The following ATF7IP variants were observed in gnomAD, a reference collection of about 807,000 sequenced individuals.
ATF7IP encodes activating transcription factor 7-interacting protein 1.
A neutral mutation model predicts 106.4 loss-of-function variants in ATF7IP; 23 were observed. The ratio of observed to expected loss-of-function variants is 0.22; its 90% CI spans 0.16 to 0.31. The LOEUF is 0.31. Among genes scored for constraint, ATF7IP ranks in the 10% least tolerant of loss-of-function variants. The pLI, the probability that ATF7IP is intolerant of heterozygous loss-of-function variation, is 1.00. For synonymous variants in ATF7IP, 542 were observed against 539.0 expected (o/e 1.01, Z -0.08); for missense variants, 1,334 against 1,524.3 (o/e 0.88, Z 2.08).
intron 6 of ATF7IP, among the ~76,000 whole-genome samples, chr12:14,450,039 C>A (rs546951822): frequency 1.3e-5 from 2 of 152,158 alleles, no homozygotes; most frequent in East Asian, 3.9e-4. Flanking sequence ...TTGTATCCTG[C>A]AACATTGCTG....
chr12:14,478,685 A>T (rs1431804755), intron 12 of ATF7IP, among the ~76,000 whole-genome samples: 1 of 152,202 alleles, frequency 6.6e-6, no homozygotes, highest in Non-Finnish European at 1.5e-5. Context: ...AAAAGTATAT[A>T]TTTATTTACT....
intron 13 of ATF7IP, among the ~76,000 whole-genome samples, chr12:14,495,423 T>C (rs1172335657): frequency 6.6e-6 from 1 of 152,234 alleles, no homozygotes; most frequent in African/African-American, 2.4e-5. Flanking sequence ...ATAGCTTGGC[T>C]TCAACTCTCT....
At chr12:14,454,150 A>G (rs1399815346) in intron 6 of ATF7IP, among the ~76,000 whole-genome samples, 1 of 152,120 alleles carries the variant, frequency 6.6e-6, no homozygotes, top group Non-Finnish European at 1.5e-5. Context: ...GCCTTGTTAG[A>G]GAGTCTGTGG....
rs1257875938 is a variant in ATF7IP, at chr12:14,499,150, C to T, written c.*1077C>T. The stretch of plus-strand genomic sequence containing the variant: ...TGTGAGCCACTGTATCCAGCCTACT[C>T]AAGTGATTTTTAAACCAAGGTGTGT... On this transcript the variant is annotated 3_prime_UTR_variant, in exon 15 of 15. Transcript: ENST00000261168. 6.6e-6 allele frequency: 1 copy of T among 152,122 alleles called. No individual in the cohort carries two copies. The highest frequency in any genetic ancestry group is 2.4e-5 in the African/African-American group (1 of 41,404). 9.4% of individuals were successfully genotyped at this position (152,122 alleles called of 1,614,324 possible). A position where few individuals can be genotyped will look rare whatever the true frequency, so the allele number is the denominator to read the frequency against.
chr12:14,490,317 A>C (rs930948730), intron 13 of ATF7IP, among the ~76,000 whole-genome samples: 3 of 152,190 alleles, frequency 2.0e-5, no homozygotes, highest in African/African-American at 7.2e-5. Context: ...AAATGCCTTC[A>C]CAGTTTTTGA....
chr12:14,410,338 C>T (rs990796905), intron 1 of ATF7IP, among the ~76,000 whole-genome samples: 20 of 152,134 alleles, frequency 1.3e-4, no homozygotes, highest in Admixed American at 1.0e-3. Flanking sequence ...TTCTGTCCTA[C>T]GTAGGATATG....
chr12:14,409,585 A>G (rs1202141898), intron 1 of ATF7IP, among the ~76,000 whole-genome samples: 1 of 152,064 alleles, frequency 6.6e-6, no homozygotes, highest in Non-Finnish European at 1.5e-5. Flanking sequence ...TTGCGTGAGT[A>G]TTTTATGCCC....
chr12:14,499,408 CTG>C lies in ATF7IP; in HGVS notation c.*1339_*1340del, dbSNP rs769462400. 1 of 152,238 alleles carries C rather than the reference CTG, an allele frequency of 6.6e-6. No individual in the cohort carries two copies. The highest frequency in any genetic ancestry group is 1.5e-5 in the Non-Finnish European group (1 of 68,054). The allele number at this position is 152,238 out of a possible 1,614,324, so 9.4% of individuals were successfully genotyped here. ...CACATTTTAGTATCCGTGTTGCACA[CTG>C]TGTTAGAGATTATGAAAACCATTCT... On this transcript the variant is annotated 3_prime_UTR_variant, in exon 15 of 15. Transcript: ENST00000261168.
At chr12:14,366,900 T>G (rs1485272031) in intron 1 of ATF7IP, among the ~76,000 whole-genome samples, 1 of 152,212 alleles carries the variant, frequency 6.6e-6, no homozygotes, top group African/African-American at 2.4e-5. Context: ...CAGTTGTGTT[T>G]GATTTTTTAA....
At chr12:14,488,002 A>C (rs1020521672) in intron 13 of ATF7IP, among the ~76,000 whole-genome samples, 1 of 152,134 alleles carries the variant, frequency 6.6e-6, no homozygotes, top group Admixed American at 6.5e-5. Context: ...AGGTACTATC[A>C]GTGTTCTTTA....
chr12:14,445,932 A>T (rs1942935007), intron 5 of ATF7IP, among the ~76,000 whole-genome samples: 1 of 152,218 alleles, frequency 6.6e-6, no homozygotes, highest in African/African-American at 2.4e-5. Flanking sequence ...TATTACGTCT[A>T]TGCTTAGTAA....
chr12:14,489,094 C>A (rs1434684710), intron 13 of ATF7IP, among the ~76,000 whole-genome samples: 1 of 152,140 alleles, frequency 6.6e-6, no homozygotes. Context: ...GGTGGAGTGA[C>A]CCCATCCTTC....
rs372694441 is a variant in ATF7IP at position 14,390,927 on chromosome 12, C to T, written c.-8+25100C>T. Among the ~76,000 whole-genome samples the T allele has an allele frequency of 3.1e-4, 47 of 152,330 alleles. No homozygotes were observed. In the South Asian group the frequency reaches 9.7e-3, roughly 32 times the overall value. On this transcript the variant is annotated intron_variant, in intron 1 of 14. Transcript: ENST00000261168. The stretch of plus-strand genomic sequence containing the variant: ...TCAAATAATACCACGACATTGGTAA[C>T]TCTAAGGAAGTGCTAAAAGAATGTT...
chr12:14,431,758 T>C (rs1402438375), intron 2 of ATF7IP, among the ~76,000 whole-genome samples: 1 of 152,120 alleles, frequency 6.6e-6, no homozygotes, highest in East Asian at 1.9e-4. Context: ...CTACCTGAAA[T>C]TATGTCTAAA....
At chr12:14,381,956 AT>A (rs1939021042) in intron 1 of ATF7IP, among the ~76,000 whole-genome samples, 1 of 151,168 alleles carries the variant, frequency 6.6e-6, no homozygotes, top group East Asian at 1.9e-4. Context: ...TAGCGCTCTT[AT>A]TTTACATGGT....
chr12:14,423,574 C>CTTTTTTTTTTTTTTTTTTT, intron 1 of ATF7IP, among the ~76,000 whole-genome samples: 2 of 34,390 alleles, frequency 5.8e-5, no homozygotes, highest in Non-Finnish European at 5.3e-5. Flanking sequence ...TCTTCAGGTA[C>CTTTTTTTTTTTTTTTTTTT]TTTTTTTTTT....
At chr12:14,374,961 A>G in intron 1 of ATF7IP, among the ~76,000 whole-genome samples, 1 of 152,246 alleles carries the variant, frequency 6.6e-6, no homozygotes, top group Admixed American at 6.5e-5. Flanking sequence ...TAGGAATCAT[A>G]TCTTATTGAT....
intron 1 of ATF7IP, among the ~76,000 whole-genome samples, chr12:14,384,429 CT>C (rs1175321046): frequency 1.3e-5 from 2 of 152,108 alleles, no homozygotes; most frequent in Non-Finnish European, 2.9e-5. Context: ...GAGTTTTACT[CT>C]TTTTTAAAAT....
At chr12:14,435,976 A>G (rs961567417) in intron 3 of ATF7IP, 130 bp from the exon 4 acceptor site, 18 of 909,798 alleles carry the variant, frequency 2.0e-5, no homozygotes, top group Middle Eastern at 3.5e-4. Context: ...AAGATCTCCA[A>G]AACAGTTTAC....
Sources: gnomAD v4.1 joint callset for allele counts (sites outside exome capture counted in the v4.1 genomes callset) on GRCh38, gnomAD v4.1.1 for gene constraint, MANE v1.5 for transcripts, NCBI Gene and HGNC (gene_info 2026-07-23, HGNC 2026-07-21) for gene names.